The following STXBP5L variants were observed in gnomAD, a reference collection of about 807,000 sequenced individuals.
STXBP5L encodes syntaxin-binding protein 5-like.
STXBP5L carries 65 observed loss-of-function variants against 144.5 expected under a neutral mutation model. The ratio of observed to expected loss-of-function variants is 0.45; its 90% CI spans 0.37 to 0.55. The LOEUF (loss-of-function observed/expected upper bound fraction) is 0.55. Among genes scored for constraint, STXBP5L ranks in the 20% least tolerant of loss-of-function variants. The pLI, the probability that STXBP5L is intolerant of heterozygous loss-of-function variation, is 0.00. For synonymous variants in STXBP5L, 505 were observed against 469.6 expected (o/e 1.08, Z -0.97); for missense variants, 1,298 against 1,405.5 (o/e 0.92, Z 1.22).
At chr3:120,965,907 A>G (rs189253522) in intron 3 of STXBP5L, among the ~76,000 whole-genome samples, 342 of 152,220 alleles carry the variant, frequency 2.2e-3, no homozygotes, top group African/African-American at 7.9e-3. Flanking sequence ...TCACTTTCAG[A>G]TACACCAATC....
chr3:121,338,620 GAGAA>G (rs1272958197), intron 20 of STXBP5L, among the ~76,000 whole-genome samples: 3,253 of 136,902 alleles, frequency 0.024, 116 homozygotes, highest in African/African-American at 0.08. Flanking sequence ...GAGAGAAAGA[GAGAA>G]AGAAAGAAAG....
At chr3:121,135,040 T>C (rs1223013569) in intron 7 of STXBP5L, among the ~76,000 whole-genome samples, 1 of 152,230 alleles carries the variant, frequency 6.6e-6, no homozygotes, top group Admixed American at 6.5e-5. Flanking sequence ...AAAGTGTTCC[T>C]ATTTCTCCAC....
intron 10 of STXBP5L, among the ~76,000 whole-genome samples, chr3:121,220,782 G>A (rs1046446243): frequency 2.0e-5 from 3 of 151,962 alleles, no homozygotes; most frequent in African/African-American, 4.8e-5. Context: ...TTGAATCTTT[G>A]TCCTGGTACT....
intron 6 of STXBP5L, among the ~76,000 whole-genome samples, chr3:121,120,726 A>G (rs1299598610): frequency 6.6e-6 from 1 of 151,250 alleles, no homozygotes; most frequent in Non-Finnish European, 1.5e-5. Flanking sequence ...AGTTTCTAAG[A>G]TTTAAATCTT....
rs185416637 is a variant in STXBP5L at position 121,174,424 on chromosome 3, C to T, written c.877+16797C>T. 2.4e-3 allele frequency among the ~76,000 whole-genome samples: 362 copies of T among 152,056 alleles called. 1 individual carries two copies. The highest frequency in any genetic ancestry group is 7.7e-3 in the African/African-American group (318 of 41,512). On this transcript the variant is annotated intron_variant, in intron 9 of 26. Transcript: ENST00000471454. ...TGTTTTTTCAGATTGTCTTAAATCT[C>T]CAAAAACTTCCAATATACTTATAGA...
chr3:121,361,691 C>T (rs1033395559), intron 20 of STXBP5L, among the ~76,000 whole-genome samples: 7 of 151,880 alleles, frequency 4.6e-5, no homozygotes, highest in Admixed American at 2.0e-4. Flanking sequence ...TGAATTCCTT[C>T]CCTATGTTAT....
intron 15 of STXBP5L, among the ~76,000 whole-genome samples, chr3:121,253,810 C>CTTTTTTTTTT (rs34678687): frequency 3.7e-4 from 35 of 95,066 alleles, no homozygotes; most frequent in Non-Finnish European, 4.6e-4. Context: ...TTTTTTTTTT[C>CTTTTTTTTTT]TTTTTTTTTT....
intron 3 of STXBP5L, among the ~76,000 whole-genome samples, chr3:120,983,139 T>C (rs1216376315): frequency 6.6e-6 from 1 of 152,202 alleles, no homozygotes; most frequent in Non-Finnish European, 1.5e-5. Context: ...CTGACCTGCC[T>C]GCTTCTTTCT....
chr3:121,114,281 A>G (rs2044136669), intron 5 of STXBP5L, among the ~76,000 whole-genome samples: 1 of 152,180 alleles, frequency 6.6e-6, no homozygotes, highest in African/African-American at 2.4e-5. Context: ...AAATGAAGGG[A>G]AAAATACAGT....
intron 5 of STXBP5L, among the ~76,000 whole-genome samples, chr3:121,053,214 G>A (rs954684049): frequency 2.0e-5 from 3 of 152,074 alleles, no homozygotes; most frequent in Non-Finnish European, 4.4e-5. Context: ...ACTACCAATG[G>A]CTTTCTTCAC....
Position 121,239,124 on chromosome 3 carries a change from A to G in STXBP5L, c.1332+6A>G. 6.7e-7 allele frequency: 1 copy of G among 1,489,408 alleles called. No individual in the cohort carries two copies. The highest frequency in any genetic ancestry group is 9.0e-7 in the Non-Finnish European group (1 of 1,105,792). 92.3% of individuals were successfully genotyped at this position (1,489,408 alleles called of 1,614,324 possible). A position where few individuals can be genotyped will look rare whatever the true frequency, so the allele number is the denominator to read the frequency against. Reference sequence around the variant, plus strand: ...AACAAGGATACAGTAATAAGGTAAAAGTAGAAATTATAAATAACTTTTTTT... The same window carrying G: ...AACAAGGATACAGTAATAAGGTAAAGGTAGAAATTATAAATAACTTTTTTT... On this transcript the variant is annotated splice_donor_region_variant and intron_variant, in intron 13 of 26. Coordinates refer to ENST00000471454, the MANE Select transcript of STXBP5L (RefSeq NM_001308330.2).
At position 121,421,221 on chromosome 3, in the gene STXBP5L, A is replaced by C. The variant is rs1433201789; in HGVS notation, c.*2124A>C. 1 of 152,204 alleles carries C rather than the reference A, an allele frequency of 6.6e-6. No homozygotes were observed. Among genetic ancestry groups the C allele is most frequent in the Non-Finnish European group, 1.5e-5 (1 of 68,024 alleles). 9.4% of individuals were successfully genotyped at this position (152,204 alleles called of 1,614,324 possible). A position where few individuals can be genotyped will look rare whatever the true frequency, so the allele number is the denominator to read the frequency against. On this transcript the variant is annotated 3_prime_UTR_variant, in exon 27 of 27. Transcript: ENST00000471454. ...TTTCTGTATTTTAAAAAAAACTAAAAGAGTAAAATATTAGTTTATTTTAGA... is the reference window on the plus strand; with the variant it reads ...TTTCTGTATTTTAAAAAAAACTAAACGAGTAAAATATTAGTTTATTTTAGA...
At chr3:121,044,786 T>C (rs543996019) in intron 4 of STXBP5L, among the ~76,000 whole-genome samples, 85 of 152,296 alleles carry the variant, frequency 5.6e-4, no homozygotes, top group Middle Eastern at 3.4e-3. Context: ...TATCCTATTG[T>C]ATGCGAAATA....
At chr3:121,151,954 TAAA>T (rs10530756) in intron 7 of STXBP5L, among the ~76,000 whole-genome samples, 32,849 of 151,736 alleles carry the variant, frequency 0.22, 3,790 homozygotes, top group Non-Finnish European at 0.26. Context: ...GATTTAAAAA[TAAA>T]TATTAATCTT....
At chr3:121,109,967 CTTCT>C (rs2043901875) in intron 5 of STXBP5L, among the ~76,000 whole-genome samples, 1 of 152,116 alleles carries the variant, frequency 6.6e-6, no homozygotes, top group South Asian at 2.1e-4. Context: ...ATGTAATGCC[CTTCT>C]TTGTCTTTTT....
chr3:121,007,790 A>G (rs533768543), intron 3 of STXBP5L, among the ~76,000 whole-genome samples: 2 of 152,126 alleles, frequency 1.3e-5, no homozygotes, highest in South Asian at 4.1e-4. Context: ...TAGAAATTGT[A>G]ATGGTCAAAA....
chr3:121,048,195 A>C (rs926670103), intron 5 of STXBP5L, among the ~76,000 whole-genome samples: 1 of 151,654 alleles, frequency 6.6e-6, no homozygotes, highest in Non-Finnish European at 1.5e-5. Flanking sequence ...TCTGGCTTGT[A>C]AGGTTTCTAT....
chr3:121,312,936 C>T (rs1004098885), intron 19 of STXBP5L, among the ~76,000 whole-genome samples: 12 of 152,322 alleles, frequency 7.9e-5, no homozygotes, highest in South Asian at 4.1e-4. Flanking sequence ...TCCACAAAAC[C>T]GCCATTGTCA....
At chr3:121,044,197 A>G (rs969044661) in intron 4 of STXBP5L, among the ~76,000 whole-genome samples, 1 of 152,064 alleles carries the variant, frequency 6.6e-6, no homozygotes, top group African/African-American at 2.4e-5. Context: ...TAAATGTGCA[A>G]ATCATACAAA....
Sources: gnomAD v4.1 joint callset for allele counts (sites outside exome capture counted in the v4.1 genomes callset) on GRCh38, gnomAD v4.1.1 for gene constraint, MANE v1.5 for transcripts, NCBI Gene and HGNC (gene_info 2026-07-23, HGNC 2026-07-21) for gene names.